The following RUSC2 variants were observed in gnomAD, a reference collection of about 807,000 sequenced individuals.
RUSC2 encodes RUN and SH3 domain containing 2.
Under a neutral mutation model 122.2 loss-of-function variants are expected in RUSC2, and 34 were observed. The ratio of observed to expected loss-of-function variants is 0.28; its 90% CI spans 0.21 to 0.37. The LOEUF is 0.37. RUSC2 is among the 10% of genes least tolerant of loss of function. The probability of loss-of-function intolerance (pLI) is 1.00; values close to 1 mark genes in which losing one functional copy is unlikely to be tolerated. For missense variants in RUSC2, 1,747 were observed against 1,952.4 expected (o/e 0.89, Z 1.98); for synonymous variants, 784 against 790.0 (o/e 0.99, Z 0.13).
intron 1 of RUSC2, among the ~76,000 whole-genome samples, chr9:35,498,055 T>C (rs142253963): frequency 6.6e-6 from 1 of 152,298 alleles, no homozygotes; most frequent in Non-Finnish European, 1.5e-5. Flanking sequence ...ATGCTTAGGG[T>C]ATTTGCAACT....
Position 35,560,533 on chromosome 9 carries a change from G to T in RUSC2, c.3893G>T (p.Ser1298Ile). 6.2e-7 allele frequency: 1 copy of T among 1,614,198 alleles called. No homozygotes were observed. Among genetic ancestry groups the T allele is most frequent in the Non-Finnish European group, 8.5e-7 (1 of 1,180,022 alleles). Residue 1298 changes from serine to isoleucine, a missense_variant, in exon 10 of 12, where the codon AGC (serine) becomes ATC (isoleucine). Ser to Ile is a moderately radical substitution (Grantham distance 142, BLOSUM62 -2). Coordinates refer to ENST00000361226, the MANE Select transcript of RUSC2 (RefSeq NM_014806.5). ...AGGTTCCCTCGTGGTAGCAGCAACA[G>T]CAGCAGCGAGAAAAAGAAAGGGGCA... ...GSRFPRGSSNSSSEKKKGAGG... is the reference protein window; with the variant it reads ...GSRFPRGSSNISSEKKKGAGG...
chr9:35,535,541 T>TC (rs1301927846), intron 1 of RUSC2, among the ~76,000 whole-genome samples: 1 of 148,452 alleles, frequency 6.7e-6, no homozygotes, highest in East Asian at 2.0e-4. Flanking sequence ...TCTCTTTTTT[T>TC]TTTTTTTTTT....
rs1482810950 is a variant in RUSC2 at position 35,561,054 on chromosome 9, C to G, written c.4306C>G (p.Leu1436Val). The change falls in exon 11 of 12, where the codon CTG (leucine) becomes GTG (valine). Residue 1436 changes from leucine (L) to valine (V), a missense_variant. Leu to Val is a conservative substitution (Grantham distance 32). Coordinates refer to ENST00000361226, the MANE Select transcript of RUSC2 (RefSeq NM_014806.5). Reference protein sequence around the residue: ...SRREPEPKESLQEPHSPALPS... With the variant: ...SRREPEPKESVQEPHSPALPS... ...CCGGGAGCCAGAGCCCAAGGAGAGC[C>G]TGCAGGAGCCACACTCCCCAGCCCT... 6.2e-7 allele frequency: 1 copy of G among 1,614,010 alleles called. No homozygotes were observed. Among genetic ancestry groups the G allele is most frequent in the Non-Finnish European group, 8.5e-7 (1 of 1,179,996 alleles).
intron 1 of RUSC2, among the ~76,000 whole-genome samples, chr9:35,526,652 G>A (rs1821330530): frequency 1.3e-5 from 2 of 152,174 alleles, no homozygotes; most frequent in Admixed American, 1.3e-4. Flanking sequence ...AGTGGCTCAT[G>A]CCTGTAATTC....
In RUSC2 at chr9:35,555,945, C is replaced by T. The variant is rs747530250; in HGVS notation, c.2657-7C>T. The T allele has an allele frequency of 6.2e-7, 1 of 1,613,512 alleles. No homozygotes were observed. The highest frequency in any genetic ancestry group is 1.1e-5 in the South Asian group (1 of 91,060). ...CTTGTCTTTCTGCTAATCTGTTCTGCTTCCAGCCAACCACCTATCCCCTCA... is the reference window on the plus strand; with the variant it reads ...CTTGTCTTTCTGCTAATCTGTTCTGTTTCCAGCCAACCACCTATCCCCTCA... On this transcript the variant is annotated splice_region_variant and splice_polypyrimidine_tract_variant and intron_variant, in intron 3 of 11. Coordinates refer to ENST00000361226, the MANE Select transcript of RUSC2 (RefSeq NM_014806.5). This position sits in a 1 kb window ranked among gnomAD's most constrained non-coding sequence, Gnocchi z 4.6.
intron 1 of RUSC2, among the ~76,000 whole-genome samples, chr9:35,530,686 C>CTGGA (rs1821402780): frequency 6.6e-6 from 1 of 151,986 alleles, no homozygotes; most frequent in South Asian, 2.1e-4. Context: ...GTCGCCCAGG[C>CTGGA]TGGAGTACAG....
intron 1 of RUSC2, among the ~76,000 whole-genome samples, chr9:35,494,203 C>T (rs1373647150): frequency 1.3e-5 from 2 of 151,658 alleles, no homozygotes; most frequent in Non-Finnish European, 2.9e-5. Flanking sequence ...TGGTGGCTCA[C>T]GCCTGTAATC....
At chr9:35,556,205 G>A (rs1822015050) in intron 4 of RUSC2, 68 bp downstream of exon 4, 1 of 1,599,192 alleles carries the variant, frequency 6.3e-7, no homozygotes. Flanking sequence ...CTAGAGAAGG[G>A]GTCAGTCCCA....
rs1028994217 is a variant in RUSC2, at chr9:35,561,570, C to T, written c.*188C>T. On this transcript the variant is annotated 3_prime_UTR_variant, in exon 12 of 12. Transcript: ENST00000361226. ...CCTTAACTGTCCCAGTGACCTTGTC[C>T]AGACCTCCACCCAGGAGAGGGATGG... is the stretch of plus-strand genomic sequence containing the variant. 1 of 605,358 alleles carries T rather than the reference C, an allele frequency of 1.7e-6. No homozygotes were observed. 37.5% of individuals were successfully genotyped at this position (605,358 alleles called of 1,614,324 possible). A position where few individuals can be genotyped will look rare whatever the true frequency, so the allele number is the denominator to read the frequency against.
chr9:35,493,009 G>C (rs1384395801), intron 1 of RUSC2, among the ~76,000 whole-genome samples: 1 of 151,608 alleles, frequency 6.6e-6, no homozygotes, highest in East Asian at 1.9e-4. Context: ...TTTTATTTTA[G>C]GTTCAGGGGT....
chr9:35,544,512 C>T lies in RUSC2; in HGVS notation c.-92-1918C>T, dbSNP rs147615822. On this transcript the variant is annotated intron_variant, in intron 1 of 11. Coordinates refer to ENST00000361226, the MANE Select transcript of RUSC2 (RefSeq NM_014806.5). ...TAGTAGAGATGGGATTTCACCATGT[C>T]GGCCAGGATGGTCTCTGTCTCCTGA... is the stretch of plus-strand genomic sequence containing the variant. Among the ~76,000 whole-genome samples the T allele has an allele frequency of 3.4e-3, 523 of 152,020 alleles. 1 individual carries two copies. The highest frequency in any genetic ancestry group is 0.012 in the African/African-American group (506 of 41,474).
At chr9:35,496,615 T>C (rs1204591624) in intron 1 of RUSC2, among the ~76,000 whole-genome samples, 1 of 152,088 alleles carries the variant, frequency 6.6e-6, no homozygotes, top group Non-Finnish European at 1.5e-5. Context: ...CCCATAAGAG[T>C]TGTTATGAAT....
chr9:35,504,376 GTTCA>G, intron 1 of RUSC2, among the ~76,000 whole-genome samples: 1 of 151,578 alleles, frequency 6.6e-6, no homozygotes, highest in East Asian at 1.9e-4. Context: ...CTTTTTGTAT[GTTCA>G]TTAAGTATAT....
chr9:35,491,260 TAGG>T (rs1427173451), intron 1 of RUSC2, among the ~76,000 whole-genome samples: 4 of 152,104 alleles, frequency 2.6e-5, no homozygotes, highest in African/African-American at 9.7e-5. Context: ...TGGAAAGCTG[TAGG>T]AGTTGATAAG....
At chr9:35,494,436 C>A (rs1820633226) in intron 1 of RUSC2, among the ~76,000 whole-genome samples, 1 of 152,174 alleles carries the variant, frequency 6.6e-6, no homozygotes, top group Admixed American at 6.5e-5. Context: ...TGCACTCCAG[C>A]TTGAGTGACA....
chr9:35,497,809 G>A (rs989432460), intron 1 of RUSC2, among the ~76,000 whole-genome samples: 1 of 152,086 alleles, frequency 6.6e-6, no homozygotes, highest in African/African-American at 2.4e-5. Context: ...TCACTCCTTT[G>A]GTGCAGGATT....
rs141665376 is a variant in RUSC2 at position 35,521,407 on chromosome 9, A to G, written c.-92-25023A>G. Among the ~76,000 whole-genome samples, 92 of 152,332 alleles carry G rather than the reference A, an allele frequency of 6.0e-4. No homozygotes were observed. In the East Asian group the frequency reaches 0.015, roughly 25 times the overall value. ...CCCTAGGGGCAAAGCTAGGTTTATT[A>G]TCATCAGATTTTAATGGAATAAAGA... On this transcript the variant is annotated intron_variant, in intron 1 of 11. Transcript: ENST00000361226.
Position 35,555,689 on chromosome 9 carries a change from A to G in RUSC2, c.2644A>G (p.Arg882Gly). ...AGGTGGTGAGGGCAGCATGGCCACCAGGCCCAGTAATGGTACGAGCTCCAG... is the reference window on the plus strand; with the variant it reads ...AGGTGGTGAGGGCAGCATGGCCACCGGGCCCAGTAATGGTACGAGCTCCAG... ...RGGGEGSMAT[R>G]PSNANHLSPQ... The change falls in exon 3 of 12, where the codon AGG (arginine) becomes GGG (glycine). Residue 882 changes from arginine (R) to glycine (G), a missense_variant. By Grantham distance (125) the Arg-to-Gly change is moderately radical (BLOSUM62 -2). Coordinates refer to ENST00000361226, the MANE Select transcript of RUSC2 (RefSeq NM_014806.5). The surrounding 1 kb of genome is among the most constrained non-coding windows in gnomAD (Gnocchi z 4.6). 1.9e-6 allele frequency: 3 copies of G among 1,588,592 alleles called. No homozygotes were observed. The highest frequency in any genetic ancestry group is 2.7e-5 in the African/African-American group (2 of 73,902).
chr9:35,508,310 G>T (rs1249929561), intron 1 of RUSC2, among the ~76,000 whole-genome samples: 1 of 152,192 alleles, frequency 6.6e-6, no homozygotes, highest in Non-Finnish European at 1.5e-5. Context: ...ACTCAGCAAT[G>T]ACTTCTCTAT....
Sources: allele counts gnomAD v4.1 joint callset (sites outside exome capture counted in the v4.1 genomes callset), GRCh38; gene constraint gnomAD v4.1.1; non-coding constraint Gnocchi (gnomAD v3.1); transcripts MANE v1.5; gene names NCBI Gene and HGNC (gene_info 2026-07-23, HGNC 2026-07-21).